ANKRD17: variants seen among roughly 807,000 people sequenced by gnomAD.
ANKRD17 encodes ankyrin repeat domain-containing protein 17.
A neutral mutation model predicts 229.7 loss-of-function variants in ANKRD17; 19 were observed. That is an observed-to-expected ratio of 0.08 (90% CI 0.06 to 0.12). ANKRD17 has a LOEUF of 0.12. Among genes scored for constraint, ANKRD17 ranks in the 10% least tolerant of loss-of-function variants. The pLI, the probability that ANKRD17 is intolerant of heterozygous loss-of-function variation, is 1.00. For missense variants in ANKRD17, 2,176 were observed against 3,176.8 expected (o/e 0.68, Z 7.57); for synonymous variants, 1,112 against 1,146.1 (o/e 0.97, Z 0.60).
intron 10 of ANKRD17, among the ~76,000 whole-genome samples, chr4:73,145,483 T>TA: frequency 6.6e-6 from 1 of 152,280 alleles, no homozygotes; most frequent in Non-Finnish European, 1.5e-5. Flanking sequence ...TTTTCAATCT[T>TA]AAAAAAATAA....
rs372858865 is a variant in ANKRD17 at position 73,206,826 on chromosome 4, A to AT, written c.394-29294dup. Among the ~76,000 whole-genome samples, 65 of 151,710 alleles carry AT rather than the reference A, an allele frequency of 4.3e-4. No individual in the cohort carries two copies. In the East Asian group the frequency reaches 9.9e-3, roughly 23 times the overall value. On this transcript the variant is annotated intron_variant, in intron 1 of 33. Transcript: ENST00000358602. ...CACTTGAAATTTGCTAAGAGAATAG[A>AT]TTTTTTTTTCCCCCAAGACAGAGTT...
chr4:73,135,326 T>C, intron 15 of ANKRD17, 61 bp from the exon 16 acceptor site: 2 of 1,479,940 alleles, frequency 1.4e-6, no homozygotes, highest in Non-Finnish European at 9.2e-7. Context: ...TACTAAGACA[T>C]ATTCACTCAA....
chr4:73,078,826 C>A lies in ANKRD17; in HGVS notation c.7224G>T (p.Pro2408=). 6.2e-7 allele frequency: 1 copy of A among 1,614,132 alleles called. No individual in the cohort carries two copies. Among genetic ancestry groups the A allele is most frequent in the South Asian group, 1.1e-5 (1 of 91,082 alleles). The change falls in exon 31 of 34, where the codon CCG becomes CCT. Residue 2408 remains proline (P), a synonymous_variant. Coordinates refer to ENST00000358602, the MANE Select transcript of ANKRD17 (RefSeq NM_032217.5). The stretch of plus-strand genomic sequence containing the variant: ...CATTGCTGGGCTTTTCTGACCCTAA[C>A]GGTACTGATGATGGGGCAGGAGATG... ...RAPSPAPSSV[P]LGSEKPSNVS...
intron 24 of ANKRD17, among the ~76,000 whole-genome samples, chr4:73,103,313 A>G (rs1415866247): frequency 6.6e-6 from 1 of 152,172 alleles, no homozygotes; most frequent in African/African-American, 2.4e-5. Context: ...CATAAAAGTT[A>G]TAAATAAAAG....
At chr4:73,111,738 GA>G (rs1644384349) in intron 24 of ANKRD17, among the ~76,000 whole-genome samples, 1 of 152,160 alleles carries the variant, frequency 6.6e-6, no homozygotes, top group African/African-American at 2.4e-5. Flanking sequence ...CAGTTACTAA[GA>G]GAGGGGAAAG....
intron 1 of ANKRD17, among the ~76,000 whole-genome samples, chr4:73,253,206 T>C (rs1745182482): frequency 6.6e-6 from 1 of 152,216 alleles, no homozygotes; most frequent in African/African-American, 2.4e-5. Flanking sequence ...TTTGTATACT[T>C]TGAAACTCAC....
At chr4:73,142,169 A>C (rs1254024990) in intron 13 of ANKRD17, 73 bp downstream of exon 13, 1 of 1,432,530 alleles carries the variant, frequency 7.0e-7, no homozygotes, top group African/African-American at 1.5e-5. Context: ...CCCTAATTTA[A>C]ACAGAAACTG....
At chr4:73,152,270 T>G (rs534701950) in intron 6 of ANKRD17, among the ~76,000 whole-genome samples, 2 of 152,212 alleles carry the variant, frequency 1.3e-5, no homozygotes, top group Non-Finnish European at 2.9e-5. Context: ...GAAGGACAGA[T>G]AGTGGAGTCA....
intron 22 of ANKRD17, 71 bp downstream of exon 22, chr4:73,118,617 G>T: frequency 6.5e-7 from 1 of 1,534,836 alleles, no homozygotes. Context: ...AGTCTTTAGT[G>T]ATCACTAAGC....
chr4:73,140,292 A>G lies in ANKRD17; in HGVS notation c.2333-9T>C. The G allele has an allele frequency of 6.4e-7, 1 of 1,571,886 alleles. No individual in the cohort carries two copies. The highest frequency in any genetic ancestry group is 8.6e-7 in the Non-Finnish European group (1 of 1,165,964). Reference sequence around the variant, plus strand: ...CTTTTGTTTAGAAGCAGCTGTGTGAAAAAGAAACCCCCTCAGAAGTGCACA... The same window carrying G: ...CTTTTGTTTAGAAGCAGCTGTGTGAGAAAGAAACCCCCTCAGAAGTGCACA... On this transcript the variant is annotated splice_polypyrimidine_tract_variant and intron_variant, in intron 14 of 33. Coordinates refer to ENST00000358602, the MANE Select transcript of ANKRD17 (RefSeq NM_032217.5).
At chr4:73,149,556 C>T (rs552939907) in intron 7 of ANKRD17, among the ~76,000 whole-genome samples, 70 of 152,146 alleles carry the variant, frequency 4.6e-4, no homozygotes, top group African/African-American at 1.5e-3. Context: ...TATTGTTCAT[C>T]GTCCAAGTAC....
At chr4:73,104,792 A>G (rs973177329) in intron 24 of ANKRD17, among the ~76,000 whole-genome samples, 3 of 152,116 alleles carry the variant, frequency 2.0e-5, no homozygotes, top group African/African-American at 7.2e-5. Flanking sequence ...TTTTAAAAGA[A>G]TAAGAGTTTT....
intron 2 of ANKRD17, among the ~76,000 whole-genome samples, chr4:73,174,905 G>T (rs1438681446): frequency 6.6e-6 from 1 of 152,146 alleles, no homozygotes; most frequent in African/African-American, 2.4e-5. Context: ...ATAAAACACT[G>T]TTGCAAAAAA....
At chr4:73,162,459 T>A (rs560425387) in intron 2 of ANKRD17, among the ~76,000 whole-genome samples, 1 of 152,046 alleles carries the variant, frequency 6.6e-6, no homozygotes, top group African/African-American at 2.4e-5. Context: ...CCTCCCAAAG[T>A]GCTCCCAATT....
intron 22 of ANKRD17, among the ~76,000 whole-genome samples, chr4:73,116,298 G>T (rs567830246): frequency 6.6e-6 from 1 of 151,952 alleles, no homozygotes; most frequent in South Asian, 2.1e-4. Context: ...GGATTAAAAG[G>T]GCAAAAATAA....
intron 1 of ANKRD17, among the ~76,000 whole-genome samples, chr4:73,183,420 C>T (rs1367611931): frequency 6.6e-6 from 1 of 152,078 alleles, no homozygotes; most frequent in African/African-American, 2.4e-5. Flanking sequence ...GAAAATGTTG[C>T]ATCTGAGAAA....
rs1732470346 is a variant in ANKRD17 at position 73,161,097 on chromosome 4, A to G, written c.704+95T>C. 3.5e-6 allele frequency: 5 copies of G among 1,444,302 alleles called. No homozygotes were observed. In the South Asian group the frequency reaches 6.8e-5, roughly 20 times the overall value. 89.5% of individuals were successfully genotyped at this position (1,444,302 alleles called of 1,614,324 possible). A position where few individuals can be genotyped will look rare whatever the true frequency, so the allele number is the denominator to read the frequency against. ...CATGTTAAGTGGTTAGCACAGTGCC[A>G]GCCAGGCACAAAATAAATGCTCAGT... On this transcript the variant is annotated intron_variant, in intron 3 of 33. Transcript: ENST00000358602.
At chr4:73,168,274 T>C (rs747910120) in intron 2 of ANKRD17, among the ~76,000 whole-genome samples, 1 of 152,208 alleles carries the variant, frequency 6.6e-6, no homozygotes, top group Non-Finnish European at 1.5e-5. Context: ...GCATGTATAA[T>C]AGGTAGTGCA....
Position 73,166,182 on chromosome 4 carries a change from G to C in ANKRD17, c.548-4834C>G, listed in dbSNP as rs552253217. On this transcript the variant is annotated intron_variant, in intron 2 of 33. Transcript: ENST00000358602. The stretch of plus-strand genomic sequence containing the variant: ...AGACTTTCCAATTTAGCTTTTTATG[G>C]CATTGCTATAGACTAAAAACAGAAC... Among the ~76,000 whole-genome samples the C allele has an allele frequency of 5.4e-4, 83 of 152,294 alleles. 1 individual carries two copies. The South Asian group carries it at 0.016, about 29-fold the overall frequency.
Sources: gnomAD v4.1 joint callset for allele counts (sites outside exome capture counted in the v4.1 genomes callset) on GRCh38, gnomAD v4.1.1 for gene constraint, MANE v1.5 for transcripts, NCBI Gene and HGNC (gene_info 2026-07-23, HGNC 2026-07-21) for gene names.